The following CDH10 variants were observed in gnomAD, a reference collection of about 807,000 sequenced individuals.
CDH10 encodes cadherin 10.
In CDH10, 30 loss-of-function variants were observed where a neutral mutation model predicts 73.1. The observed-to-expected ratio is 0.41, with a 90% CI of 0.31 to 0.56. The LOEUF (loss-of-function observed/expected upper bound fraction) is 0.56. Ranked by LOEUF, CDH10 falls within the 20% of genes least tolerant of loss-of-function variation. The probability of loss-of-function intolerance (pLI) is 0.27; values close to 1 mark genes in which losing one functional copy is unlikely to be tolerated. For missense variants in CDH10, 815 were observed against 973.7 expected (o/e 0.84, Z 2.17); for synonymous variants, 345 against 348.2 (o/e 0.99, Z 0.10).
chr5:24,552,769 T>G (rs1744593487), intron 2 of CDH10, among the ~76,000 whole-genome samples: 1 of 152,162 alleles, frequency 6.6e-6, no homozygotes, highest in African/African-American at 2.4e-5. Context: ...TATTTTTCTG[T>G]GCTCCCTTTT....
In CDH10 at chr5:24,537,491, G is replaced by A. The variant is rs2111894343; in HGVS notation, c.415C>T (p.Pro139Ser). The A allele has an allele frequency of 6.2e-7, 1 of 1,612,936 alleles. No individual in the cohort carries two copies. Among genetic ancestry groups the A allele is most frequent in the South Asian group, 1.1e-5 (1 of 91,046 alleles). The change falls in exon 3 of 12, where the codon CCA becomes TCA. Residue 139 changes from proline to serine, a missense_variant. By Grantham distance (74) the Pro-to-Ser change is moderately conservative (BLOSUM62 -1). Coordinates refer to ENST00000264463, the MANE Select transcript of CDH10 (RefSeq NM_006727.5). Reference sequence around the variant, plus strand: ...ACAAACTCTGACTCTGGCTCTACTGGCCTCAGAGTTCTTCTGTTAATAGCT... The same window carrying A: ...ACAAACTCTGACTCTGGCTCTACTGACCTCAGAGTTCTTCTGTTAATAGCT... ...AQAINRRTLR[P>S]VEPESEFVIK...
chr5:24,576,431 A>T (rs1745600620), intron 2 of CDH10, among the ~76,000 whole-genome samples: 1 of 152,074 alleles, frequency 6.6e-6, no homozygotes, highest in African/African-American at 2.4e-5. Flanking sequence ...CCATCTTTTT[A>T]TTTGAAAAAT....
intron 5 of CDH10, among the ~76,000 whole-genome samples, chr5:24,519,233 T>A (rs1743223233): frequency 6.6e-6 from 1 of 152,090 alleles, no homozygotes; most frequent in South Asian, 2.1e-4. Flanking sequence ...CTGCATCTTT[T>A]TTGGTTTTCA....
intron 1 of CDH10, among the ~76,000 whole-genome samples, chr5:24,637,037 T>C (rs1322805394): frequency 1.3e-5 from 2 of 152,038 alleles, no homozygotes; most frequent in African/African-American, 4.8e-5. Context: ...ACAATGCAGC[T>C]TTAAAAATAT....
intron 1 of CDH10, among the ~76,000 whole-genome samples, chr5:24,644,351 T>G (rs181494928): frequency 1.5e-3 from 236 of 152,338 alleles, no homozygotes; most frequent in African/African-American, 4.3e-3. Flanking sequence ...GACCCACTGT[T>G]GAGCATAATA....
chr5:24,613,723 GTT>G (rs2112150644), intron 1 of CDH10, among the ~76,000 whole-genome samples: 1 of 152,116 alleles, frequency 6.6e-6, no homozygotes, highest in South Asian at 2.1e-4. Flanking sequence ...TGAAGAATGA[GTT>G]TCTCATGAAC....
intron 1 of CDH10, among the ~76,000 whole-genome samples, chr5:24,604,395 G>T (rs925980969): frequency 1.3e-5 from 2 of 151,902 alleles, no homozygotes; most frequent in African/African-American, 4.8e-5. Flanking sequence ...AATAAAATTG[G>T]GTAGAAATTA....
intron 5 of CDH10, among the ~76,000 whole-genome samples, chr5:24,513,553 C>A (rs190363743): frequency 5.1e-4 from 77 of 152,246 alleles, no homozygotes; most frequent in African/African-American, 1.8e-3. Flanking sequence ...TTAAGCCACC[C>A]ATTCTGTAAG....
intron 1 of CDH10, chr5:24,613,286 A>T (rs1417865142): frequency 6.6e-6 from 1 of 152,082 alleles, no homozygotes; most frequent in Non-Finnish European, 1.5e-5. Context: ...CTCAGGAAAA[A>T]CAATGCATAC....
At chr5:24,636,399 C>T (rs1422313447) in intron 1 of CDH10, among the ~76,000 whole-genome samples, 3 of 151,950 alleles carry the variant, frequency 2.0e-5, no homozygotes, top group Non-Finnish European at 4.4e-5. Flanking sequence ...GAAAGGAAAT[C>T]TCAGTGCTTC....
chr5:24,494,236 G>C (rs1218394804), intron 9 of CDH10, among the ~76,000 whole-genome samples: 1 of 151,746 alleles, frequency 6.6e-6, no homozygotes, highest in African/African-American at 2.4e-5. Context: ...TTATAAAAAA[G>C]CAAGAATATA....
At chr5:24,561,740 C>T (rs1744966520) in intron 2 of CDH10, among the ~76,000 whole-genome samples, 1 of 152,120 alleles carries the variant, frequency 6.6e-6, no homozygotes, top group Non-Finnish European at 1.5e-5. Flanking sequence ...AGACAACCAA[C>T]AGTAAGATCA....
chr5:24,552,615 A>C (rs2111957140), intron 2 of CDH10, among the ~76,000 whole-genome samples: 1 of 152,162 alleles, frequency 6.6e-6, no homozygotes, highest in Non-Finnish European at 1.5e-5. Flanking sequence ...TAATATAGGC[A>C]ATAATAGGTT....
chr5:24,506,769 A>ATAAG (rs1021899621), intron 7 of CDH10, among the ~76,000 whole-genome samples: 1 of 152,252 alleles, frequency 6.6e-6, no homozygotes, highest in Non-Finnish European at 1.5e-5. Context: ...TTGGCAAATA[A>ATAAG]TAAGGTTCCT....
intron 1 of CDH10, among the ~76,000 whole-genome samples, chr5:24,624,218 T>C (rs1166634762): frequency 6.6e-6 from 1 of 152,138 alleles, no homozygotes; most frequent in African/African-American, 2.4e-5. Context: ...TTATTACAAA[T>C]AAGCCATATG....
chr5:24,574,009 C>T (rs187276732), intron 2 of CDH10, among the ~76,000 whole-genome samples: 2 of 151,626 alleles, frequency 1.3e-5, no homozygotes, highest in African/African-American at 4.8e-5. Flanking sequence ...CTCAACCTCC[C>T]GAGTAGCTGG....
chr5:24,622,730 C>T (rs1382760244), intron 1 of CDH10, among the ~76,000 whole-genome samples: 1 of 152,152 alleles, frequency 6.6e-6, no homozygotes, highest in East Asian at 1.9e-4. Flanking sequence ...ATTCAAGAGA[C>T]AGCAGGCATT....
intron 8 of CDH10, among the ~76,000 whole-genome samples, chr5:24,504,537 T>TG (rs2111721091): frequency 1.1e-5 from 1 of 87,830 alleles, no homozygotes; most frequent in Admixed American, 1.5e-4. Flanking sequence ...TTTTTTTTTT[T>TG]TTTTTTAAGA....
At chr5:24,558,916 C>G (rs1744861086) in intron 2 of CDH10, among the ~76,000 whole-genome samples, 1 of 151,810 alleles carries the variant, frequency 6.6e-6, no homozygotes, top group African/African-American at 2.4e-5. Context: ...ATTTTTCTCT[C>G]ATTAAATTAG....
Sources: allele counts gnomAD v4.1 joint callset (sites outside exome capture counted in the v4.1 genomes callset), GRCh38; gene constraint gnomAD v4.1.1; transcripts MANE v1.5; gene names NCBI Gene and HGNC (gene_info 2026-07-23, HGNC 2026-07-21).